Variants in DHDDS observed in about 807,000 individuals in gnomAD.
DHDDS encodes dehydrodolichyl diphosphate synthase subunit.
A neutral mutation model predicts 46.2 loss-of-function variants in DHDDS; 16 were observed. That is an observed-to-expected ratio of 0.35 (90% confidence interval 0.23 to 0.53). The LOEUF is 0.53. DHDDS is among the 20% of genes least tolerant of loss of function. DHDDS has a pLI of 0.94. For synonymous variants in DHDDS, 151 were observed against 163.1 expected (o/e 0.93, Z 0.56); for missense variants, 340 against 423.7 (o/e 0.80, Z 1.73).
At chr1:26,463,992 C>CTTTTTTTT (rs60149042) in intron 8 of DHDDS, among the ~76,000 whole-genome samples, 8 of 93,768 alleles carry the variant, frequency 8.5e-5, no homozygotes, top group Admixed American at 2.7e-4. Flanking sequence ...TATTTGCAAA[C>CTTTTTTTT]TTTTTTTTTT....
chr1:26,463,656 G>A (rs920566089), intron 8 of DHDDS, among the ~76,000 whole-genome samples: 1 of 151,982 alleles, frequency 6.6e-6, no homozygotes, highest in African/African-American at 2.4e-5. Flanking sequence ...ACAGGCATGT[G>A]CCACCACATC....
At chr1:26,467,640 T>G (rs1195576425) in intron 8 of DHDDS, 1 of 258,984 alleles carries the variant, frequency 3.9e-6, no homozygotes, top group East Asian at 8.6e-5. Flanking sequence ...AGATATTCTT[T>G]AAACCATGAA....
At chr1:26,433,069 A>G in intron 2 of DHDDS, 61 bp downstream of exon 2, 1 of 1,568,166 alleles carries the variant, frequency 6.4e-7, no homozygotes, top group Non-Finnish European at 8.8e-7. Context: ...TTATATAAAA[A>G]CCTGTTATTA....
chr1:26,438,514 AGG>A (rs1323723117), intron 3 of DHDDS: 19 of 488,046 alleles, frequency 3.9e-5, no homozygotes, highest in Non-Finnish European at 6.1e-5. Flanking sequence ...GCTTGAGCCC[AGG>A]GGTTCAGGAC....
chr1:26,441,654 G>A (rs527469037), intron 3 of DHDDS, among the ~76,000 whole-genome samples: 48 of 152,098 alleles, frequency 3.2e-4, no homozygotes, highest in East Asian at 7.8e-4. Flanking sequence ...CCAGCACTTC[G>A]GGAGGCCAAG....
chr1:26,442,514 C>A (rs2075228414), intron 3 of DHDDS, among the ~76,000 whole-genome samples: 3 of 152,194 alleles, frequency 2.0e-5, no homozygotes, highest in Admixed American at 2.0e-4. Context: ...TCAGCATTCA[C>A]TAAGATCACA....
At chr1:26,451,312 A>G (rs1340579296) in intron 6 of DHDDS, among the ~76,000 whole-genome samples, 1 of 152,132 alleles carries the variant, frequency 6.6e-6, no homozygotes, top group East Asian at 1.9e-4. Context: ...AATTACAATT[A>G]GGTCCTATGC....
chr1:26,437,863 G>A (rs531252655), intron 2 of DHDDS, among the ~76,000 whole-genome samples: 5 of 151,994 alleles, frequency 3.3e-5, no homozygotes, highest in Admixed American at 6.5e-5. Flanking sequence ...TGGTAGCCCT[G>A]GCTACTCAGC....
intron 2 of DHDDS, among the ~76,000 whole-genome samples, chr1:26,435,032 CAG>C (rs1348605769): frequency 5.4e-5 from 8 of 148,346 alleles, no homozygotes; most frequent in Non-Finnish European, 1.0e-4. Flanking sequence ...TTTTTTCAGA[CAG>C]AGTCTCACTC....
intron 6 of DHDDS, among the ~76,000 whole-genome samples, chr1:26,450,433 C>T (rs2075309047): frequency 6.6e-6 from 1 of 152,196 alleles, no homozygotes. Flanking sequence ...AGGTGTGAGC[C>T]ACTCAGCCCT....
chr1:26,452,101 A>G (rs2075327407), intron 6 of DHDDS, among the ~76,000 whole-genome samples: 1 of 152,066 alleles, frequency 6.6e-6, no homozygotes, highest in African/African-American at 2.4e-5. Context: ...GCTGAAGTGC[A>G]GTGGTATGAA....
At chr1:26,468,823 ACCT>A (rs1450212044) in intron 8 of DHDDS, 69 bp from the exon 9 acceptor site, 1 of 1,375,570 alleles carries the variant, frequency 7.3e-7, no homozygotes, top group Non-Finnish European at 9.5e-7. Context: ...CCCACCCCCT[ACCT>A]CCTCCATCCC....
At chr1:26,433,073 G>T in intron 2 of DHDDS, 65 bp downstream of exon 2, 1 of 1,543,634 alleles carries the variant, frequency 6.5e-7, no homozygotes, top group Non-Finnish European at 9.0e-7. Flanking sequence ...ATAAAAACCT[G>T]TTATTAAAGT....
At chr1:26,468,868 AC>A in intron 8 of DHDDS, 26 bp from the exon 9 acceptor site, 1 of 1,172,980 alleles carries the variant, frequency 8.5e-7, no homozygotes, top group Non-Finnish European at 1.1e-6. Context: ...TGATCTCCCC[AC>A]CCCAATCCCC....
chr1:26,446,099 C>G (rs1339604811), intron 4 of DHDDS, among the ~76,000 whole-genome samples: 1 of 152,214 alleles, frequency 6.6e-6, no homozygotes, highest in African/African-American at 2.4e-5. Context: ...CTATATGACC[C>G]TGGGCAGTCC....
At chr1:26,434,236 C>A (rs1401959782) in intron 2 of DHDDS, among the ~76,000 whole-genome samples, 1 of 152,210 alleles carries the variant, frequency 6.6e-6, no homozygotes, top group Non-Finnish European at 1.5e-5. Context: ...CTAGGAATCA[C>A]AGCAATATTA....
At chr1:26,459,606 C>G (rs1166541436) in intron 7 of DHDDS, among the ~76,000 whole-genome samples, 1 of 152,230 alleles carries the variant, frequency 6.6e-6, no homozygotes, top group Non-Finnish European at 1.5e-5. Context: ...AGCTCATGCT[C>G]TCAACCACTG....
rs1298424547 is a variant in DHDDS at position 26,460,084 on chromosome 1, T to C, written c.705T>C (p.Tyr235=). 1.4e-5 allele frequency: 22 copies of C among 1,614,206 alleles called. No individual in the cohort carries two copies. The highest frequency in any genetic ancestry group is 1.9e-5 in the Non-Finnish European group (22 of 1,180,038). Residue 235 remains tyrosine, a synonymous_variant, in exon 8 of 9, where the codon TAT becomes TAC. Transcript: ENST00000236342. ...LVFQPVLWPE[Y]TFWNLFEAIL... ...TCCAACCCGTTCTGTGGCCAGAGTATACATTTTGGAACCTCTTCGAGGCCA... is the reference window on the plus strand; with the variant it reads ...TCCAACCCGTTCTGTGGCCAGAGTACACATTTTGGAACCTCTTCGAGGCCA...
At chr1:26,450,419 T>C (rs1455358115) in intron 6 of DHDDS, among the ~76,000 whole-genome samples, 1 of 152,156 alleles carries the variant, frequency 6.6e-6, no homozygotes, top group African/African-American at 2.4e-5. Context: ...AATGCTGAGA[T>C]TACAGGTGTG....
Sources: allele counts gnomAD v4.1 joint callset (sites outside exome capture counted in the v4.1 genomes callset), GRCh38; gene constraint gnomAD v4.1.1; transcripts MANE v1.5; gene names NCBI Gene and HGNC (gene_info 2026-07-23, HGNC 2026-07-21).